SRGAP2C: variants seen among roughly 807,000 people sequenced by gnomAD.
SRGAP2C encodes the protein SLIT-ROBO Rho GTPase-activating protein 2C.
In SRGAP2C, 15 loss-of-function variants were observed where a neutral mutation model predicts 25.1. That is an observed-to-expected ratio of 0.60 (90% CI 0.40 to 0.92). The LOEUF (loss-of-function observed/expected upper bound fraction) is 0.92. SRGAP2C is among the 40% of genes least tolerant of loss of function. SRGAP2C has a pLI of 0.00. For missense variants in SRGAP2C, 144 were observed against 264.4 expected (o/e 0.54, Z 3.16); for synonymous variants, 44 against 96.6 (o/e 0.46, Z 3.19).
chr1:121,374,733 T>C, intron 6 of SRGAP2C, 93 bp from the exon 7 acceptor site: 1 of 668,956 alleles, frequency 1.5e-6, no homozygotes, highest in South Asian at 1.7e-5. Flanking sequence ...AGCAACACAA[T>C]TGTAGTTCTT....
intron 2 of SRGAP2C, among the ~76,000 whole-genome samples, chr1:121,236,230 C>T (rs1317798831): frequency 6.6e-6 from 1 of 152,018 alleles, no homozygotes; most frequent in Non-Finnish European, 1.5e-5. Flanking sequence ...AGCCTGCACC[C>T]CTGCTTATAG....
At chr1:121,285,374 G>A (rs1215755194) in intron 3 of SRGAP2C, among the ~76,000 whole-genome samples, 4 of 128,482 alleles carry the variant, frequency 3.1e-5, no homozygotes, top group African/African-American at 5.9e-5. Flanking sequence ...CTTAACTCAG[G>A]GTCTATCTTA....
chr1:121,233,145 CTTT>C (rs1196199123), intron 2 of SRGAP2C, among the ~76,000 whole-genome samples: 29 of 118,104 alleles, frequency 2.5e-4, no homozygotes, highest in Admixed American at 5.0e-4. Flanking sequence ...CCCCTTGGTT[CTTT>C]TTTTTTTTTT....
At chr1:121,228,591 G>A (rs1163488911) in intron 2 of SRGAP2C, among the ~76,000 whole-genome samples, 11 of 150,334 alleles carry the variant, frequency 7.3e-5, no homozygotes, top group Admixed American at 3.3e-4. Context: ...TATAGAGGTG[G>A]CAATTGAGGA....
At chr1:121,383,096 TCAGA>T (rs1553355508) in intron 8 of SRGAP2C, among the ~76,000 whole-genome samples, 171 bp downstream of exon 8, 1 of 147,470 alleles carries the variant, frequency 6.8e-6, no homozygotes, top group Non-Finnish European at 1.5e-5. Context: ...GTGCCTGCTG[TCAGA>T]CACTCGGGCT....
chr1:121,193,676 T>TTC (rs1654755759), intron 2 of SRGAP2C, among the ~76,000 whole-genome samples: 1 of 54,568 alleles, frequency 1.8e-5, no homozygotes, highest in Non-Finnish European at 3.3e-5. Context: ...TCTTTTTTTT[T>TTC]TTTTTTTTTT....
intron 3 of SRGAP2C, chr1:121,315,146 C>T (rs1421571004): frequency 5.1e-6 from 2 of 391,662 alleles, no homozygotes; most frequent in Non-Finnish European, 4.8e-6. Context: ...ACCTCCGTCT[C>T]TATTTATTTA....
At chr1:121,270,541 C>A (rs1444169216) in intron 2 of SRGAP2C, among the ~76,000 whole-genome samples, 1 of 129,504 alleles carries the variant, frequency 7.7e-6, no homozygotes, top group Non-Finnish European at 1.6e-5. Context: ...TTGTGAGTCT[C>A]TTAAGCCTTT....
At chr1:121,324,673 G>C in intron 4 of SRGAP2C, 33 bp downstream of exon 4, 1 of 982,852 alleles carries the variant, frequency 1.0e-6, no homozygotes, top group Non-Finnish European at 1.6e-6. Flanking sequence ...AGAGGTTCTT[G>C]GGTGGAGCAA....
intron 3 of SRGAP2C, among the ~76,000 whole-genome samples, chr1:121,321,137 C>T (rs1442378599): frequency 1.4e-5 from 2 of 140,988 alleles, no homozygotes; most frequent in Non-Finnish European, 3.1e-5. Flanking sequence ...ATGCTAGCAG[C>T]CTGCAAGACA....
rs200302880 is a variant in SRGAP2C at position 121,369,532 on chromosome 1, C to T, written c.486+4177C>T. On this transcript the variant is annotated intron_variant, in intron 5 of 9. Transcript: ENST00000367123. ...TTTACATCCCCTTGGCTTGGAGCAG[C>T]GGCTGTGTGCTGGCAGAGCTACTTC... is the stretch of plus-strand genomic sequence containing the variant. Among the ~76,000 whole-genome samples, 28 of 152,188 alleles carry T rather than the reference C, an allele frequency of 1.8e-4. No individual in the cohort carries two copies. In the East Asian group the frequency reaches 4.1e-3, roughly 22 times the overall value.
At chr1:121,367,197 C>T (rs1162248403) in intron 5 of SRGAP2C, among the ~76,000 whole-genome samples, 2 of 151,822 alleles carry the variant, frequency 1.3e-5, no homozygotes, top group Non-Finnish European at 2.9e-5. Context: ...AATACACCTT[C>T]ATAATCTGTT....
chr1:121,308,530 C>A, intron 3 of SRGAP2C, among the ~76,000 whole-genome samples: 2 of 150,092 alleles, frequency 1.3e-5, no homozygotes, highest in Middle Eastern at 7.0e-3. Flanking sequence ...GAGCCTGGCA[C>A]TTTGGGAGGC....
In SRGAP2C at chr1:121,375,033, G is replaced by T. The variant is rs756947870; in HGVS notation, c.831+79G>T. The T allele has an allele frequency of 1.9e-4, 135 of 696,180 alleles. 1 individual carries two copies. Among genetic ancestry groups the T allele is most frequent in the Non-Finnish European group, 2.8e-4 (104 of 372,592 alleles). The allele number at this position is 696,180 out of a possible 1,614,324, so 43.1% of individuals were successfully genotyped here. The stretch of plus-strand genomic sequence containing the variant: ...CTCGTCAGACATTCCCGATACTATT[G>T]TTCAGGAATCTGGTGCATTTTGAGA... On this transcript the variant is annotated intron_variant, in intron 7 of 9. Transcript: ENST00000367123.
chr1:121,390,974 T>G lies in SRGAP2C; in HGVS notation c.*3119T>G, dbSNP rs1660058221. ...GAGGATTACTTGAACTGGGGAGGCA[T>G]AGGTTGTAGTGAGCCAAGGTCGTGT... On this transcript the variant is annotated 3_prime_UTR_variant, in exon 10 of 10. Coordinates refer to ENST00000367123, the MANE Select transcript of SRGAP2C (RefSeq NM_001329984.2). 9.3e-6 allele frequency: 1 copy of G among 107,174 alleles called. No homozygotes were observed. The highest frequency in any genetic ancestry group is 2.8e-4 in the South Asian group (1 of 3,540). 6.6% of individuals were successfully genotyped at this position (107,174 alleles called of 1,614,324 possible).
At chr1:121,367,173 A>G (rs1309809522) in intron 5 of SRGAP2C, among the ~76,000 whole-genome samples, 1 of 151,994 alleles carries the variant, frequency 6.6e-6, no homozygotes, top group African/African-American at 2.4e-5. Flanking sequence ...ATCCCCTGCC[A>G]TAAGGTGAGC....
chr1:121,379,838 CT>C (rs1243060514), intron 7 of SRGAP2C, among the ~76,000 whole-genome samples: 1 of 74,318 alleles, frequency 1.3e-5, no homozygotes, highest in Non-Finnish European at 2.7e-5. Context: ...ACCCACTTGA[CT>C]TAGGTCAGTA....
intron 4 of SRGAP2C, among the ~76,000 whole-genome samples, chr1:121,335,914 GAA>G (rs1197943036): frequency 1.3e-5 from 2 of 151,994 alleles, no homozygotes; most frequent in Non-Finnish European, 2.9e-5. Flanking sequence ...ATCTTCCTCT[GAA>G]GAGTATGAAG....
chr1:121,212,084 T>C (rs1655271887), intron 2 of SRGAP2C, among the ~76,000 whole-genome samples: 2 of 125,544 alleles, frequency 1.6e-5, no homozygotes, highest in African/African-American at 3.1e-5. Context: ...GATAGAGTTA[T>C]TAACAAGACC....
Sources: gnomAD v4.1 joint callset for allele counts (sites outside exome capture counted in the v4.1 genomes callset) on GRCh38, gnomAD v4.1.1 for gene constraint, MANE v1.5 for transcripts, NCBI Gene and HGNC (gene_info 2026-07-23, HGNC 2026-07-21) for gene names.